APOH: variants seen among roughly 807,000 people sequenced by gnomAD.
APOH encodes the protein apolipoprotein H, also known as beta-2-glycoprotein 1.
APOH carries 48 observed loss-of-function variants against 39.8 expected under a neutral mutation model. That is an observed-to-expected ratio of 1.21 (90% CI 0.96 to 1.54). The LOEUF (loss-of-function observed/expected upper bound fraction) is 1.54, where lower values mean the gene tolerates loss of function less well. Among genes scored for constraint, APOH ranks in the 40% most tolerant of loss-of-function variants. The probability of loss-of-function intolerance (pLI) is 0.00; values close to 1 mark genes in which losing one functional copy is unlikely to be tolerated. For synonymous variants in APOH, 153 were observed against 151.1 expected (o/e 1.01, Z -0.09); for missense variants, 415 against 421.2 (o/e 0.99, Z 0.13).
intron 3 of APOH, among the ~76,000 whole-genome samples, chr17:66,224,176 A>G (rs1400616554): frequency 6.6e-6 from 1 of 152,176 alleles, no homozygotes; most frequent in Non-Finnish European, 1.5e-5. Flanking sequence ...TCTATTTCCA[A>G]TGAAAATATA....
chr17:66,220,480 G>A, intron 5 of APOH, 74 bp downstream of exon 5: 1 of 1,431,336 alleles, frequency 7.0e-7, no homozygotes, highest in East Asian at 2.3e-5. Flanking sequence ...CTCCATGATA[G>A]TCAGAATTTT....
intron 7 of APOH, among the ~76,000 whole-genome samples, chr17:66,213,400 T>G (rs1352325926): frequency 6.6e-6 from 1 of 152,238 alleles, no homozygotes; most frequent in Non-Finnish European, 1.5e-5. Context: ...TAATGGATAC[T>G]TTTCAAACTC....
In APOH at chr17:66,212,136, G is replaced by A. The variant is rs771800586; in HGVS notation, c.1035C>T (p.Cys345=). The A allele has an allele frequency of 6.8e-6, 11 of 1,613,170 alleles. No individual in the cohort carries two copies. The South Asian group carries it at 1.1e-4, about 16-fold the overall frequency. Residue 345 remains cysteine (C), a synonymous_variant, in exon 8 of 8, where the codon TGC becomes TGT. Transcript: ENST00000205948. ...WKTDASDVKP[C] ...TGTGTGGAATCTGAAAACCACCTTA[G>A]CATGGCTTTACATCGGATGCATCAG...
In APOH at chr17:66,214,560, T is replaced by G; in HGVS notation, c.875A>C (p.His292Pro). 1 of 1,614,078 alleles carries G rather than the reference T, an allele frequency of 6.2e-7. No individual in the cohort carries two copies. Among genetic ancestry groups the G allele is most frequent in the South Asian group, 1.1e-5 (1 of 91,082 alleles). ...IQEKFKNGML[H>P]GDKVSFFCKN... ...GCAGAAGAAAGAAACTTTATCACCA[T>G]GTAGCATTCCATTCTTAAATTTTTC... Residue 292 changes from histidine to proline, a missense_variant, in exon 7 of 8, where the codon CAT (histidine) becomes CCT (proline). Physicochemically the swap from His to Pro is moderately conservative, Grantham distance 77. Coordinates refer to ENST00000205948, the MANE Select transcript of APOH (RefSeq NM_000042.3).
Position 66,221,266 on chromosome 17 carries a change from A to AAAGGAAGGAAGGAAGG in APOH, c.416-540_416-525dup, listed in dbSNP as rs369169198. Among the ~76,000 whole-genome samples the AAAGGAAGGAAGGAAGG allele has an allele frequency of 4.0e-4, 48 of 120,552 alleles. 2 individuals are homozygous for AAAGGAAGGAAGGAAGG. Among genetic ancestry groups the AAAGGAAGGAAGGAAGG allele is most frequent in the African/African-American group, 9.9e-4 (29 of 29,380 alleles). 79.1% of individuals were successfully genotyped at this position (120,552 alleles called of 152,430 possible). A position where few individuals can be genotyped will look rare whatever the true frequency, so the allele number is the denominator to read the frequency against. ...CAGAAAGAAAGAGAGAGAGAGAAAG[A>AAAGGAAGGAAGGAAGG]AAGGAAGGAAGGAAGGAAGGAAGGA... On this transcript the variant is annotated intron_variant, in intron 4 of 7. Transcript: ENST00000205948.
chr17:66,220,181 C>T (rs1017768247), intron 5 of APOH, among the ~76,000 whole-genome samples: 2 of 152,192 alleles, frequency 1.3e-5, no homozygotes, highest in African/African-American at 2.4e-5. Context: ...GAGAACTTCA[C>T]CAGCCTCGCT....
intron 7 of APOH, among the ~76,000 whole-genome samples, chr17:66,212,982 T>C (rs1041550090): frequency 1.3e-5 from 2 of 152,242 alleles, no homozygotes; most frequent in African/African-American, 4.8e-5. Flanking sequence ...ATTCAGTGCA[T>C]TTGTAACTAT....
At position 66,216,830 on chromosome 17, in the gene APOH, ATTCTAT is replaced by A. The variant is rs1411518143; in HGVS notation, c.736_741del (p.Ile246_Glu247del). The A allele has an allele frequency of 6.2e-7, 1 of 1,610,250 alleles. No individual in the cohort carries two copies. The highest frequency in any genetic ancestry group is 8.5e-7 in the Non-Finnish European group (1 of 1,178,582). On this transcript the variant is annotated inframe_deletion, in exon 6 of 8. Transcript: ENST00000205948. ...GCAGACCAGTTTCCCAGTTTGGTACATTCTATTTCTTCCGGGCCATCCAGAGAATAT... is the reference window on the plus strand; with the variant it reads ...GCAGACCAGTTTCCCAGTTTGGTACATTCTTCCGGGCCATCCAGAGAATAT...
chr17:66,215,773 A>G (rs904602444), intron 6 of APOH, among the ~76,000 whole-genome samples: 1 of 152,190 alleles, frequency 6.6e-6, no homozygotes, highest in Non-Finnish European at 1.5e-5. Context: ...TGAATCCTGT[A>G]ACTGAGAGGG....
At chr17:66,221,896 G>A (rs560192151) in intron 4 of APOH, among the ~76,000 whole-genome samples, 1 of 152,242 alleles carries the variant, frequency 6.6e-6, no homozygotes, top group South Asian at 2.1e-4. Flanking sequence ...TGTGGTCCAG[G>A]GGCTAGCAGC....
At chr17:66,220,163 AC>A (rs775554884) in intron 5 of APOH, among the ~76,000 whole-genome samples, 107 of 152,216 alleles carry the variant, frequency 7.0e-4, no homozygotes, top group Non-Finnish European at 1.1e-3. Context: ...CAGGAACTTC[AC>A]CCAGAAGAGA....
chr17:66,229,404 C>A lies in APOH; in HGVS notation c.-25G>T. On this transcript the variant is annotated 5_prime_UTR_variant, in exon 1 of 8. Transcript: ENST00000205948. ...TTGTGGATGAGTCACACTGGCACTACCAAAGTGGTTTTCGTCTGCTAAAAA... is the reference window on the plus strand; with the variant it reads ...TTGTGGATGAGTCACACTGGCACTAACAAAGTGGTTTTCGTCTGCTAAAAA... 6.2e-7 allele frequency: 1 copy of A among 1,610,062 alleles called. No homozygotes were observed. The highest frequency in any genetic ancestry group is 8.5e-7 in the Non-Finnish European group (1 of 1,177,528).
intron 7 of APOH, 89 bp from the exon 8 acceptor site, chr17:66,212,277 C>T: frequency 1.2e-5 from 14 of 1,129,782 alleles, no homozygotes; most frequent in Middle Eastern, 2.0e-4. Context: ...ATACATTTTA[C>T]GAGTATATAG....
At chr17:66,227,901 C>A in intron 2 of APOH, 119 bp downstream of exon 2, 1 of 1,054,078 alleles carries the variant, frequency 9.5e-7, no homozygotes. Flanking sequence ...TCTCTCCAAC[C>A]TGGCTTTCTG....
intron 7 of APOH, among the ~76,000 whole-genome samples, chr17:66,213,868 G>A (rs976619228): frequency 1.3e-5 from 2 of 151,958 alleles, no homozygotes; most frequent in South Asian, 4.1e-4. Flanking sequence ...AGCCCAGAAA[G>A]TAGAGGCTGC....
chr17:66,228,340 C>T (rs1175064308), intron 1 of APOH, 144 bp from the exon 2 acceptor site: 1 of 774,582 alleles, frequency 1.3e-6, no homozygotes, highest in Non-Finnish European at 2.0e-6. Context: ...TACACTATCT[C>T]ATCTAATCCC....
intron 1 of APOH, chr17:66,228,657 C>T (rs8178824): frequency 0.023 from 3,517 of 153,436 alleles, 58 homozygotes; most frequent in Middle Eastern, 0.061. Flanking sequence ...AAAAATTAGC[C>T]GGGTGTGGTG....
chr17:66,223,637 T>A, intron 4 of APOH, 61 bp downstream of exon 4: 1 of 1,439,180 alleles, frequency 6.9e-7, no homozygotes, highest in Non-Finnish European at 9.8e-7. Context: ...TGTGAGACTT[T>A]GAGTGCTAAA....
chr17:66,224,301 A>G (rs549788995), intron 3 of APOH, among the ~76,000 whole-genome samples: 1 of 151,720 alleles, frequency 6.6e-6, no homozygotes, highest in African/African-American at 2.4e-5. Context: ...CAAAGGCCCA[A>G]TTTCTACAAA....
Sources: allele counts gnomAD v4.1 joint callset (sites outside exome capture counted in the v4.1 genomes callset), GRCh38; gene constraint gnomAD v4.1.1; transcripts MANE v1.5; gene names NCBI Gene and HGNC (gene_info 2026-07-23, HGNC 2026-07-21).